The following WFDC1 variants were observed in gnomAD, a reference collection of about 807,000 sequenced individuals.
WFDC1 encodes the protein WAP four-disulfide core domain protein 1.
A neutral mutation model predicts 32.9 loss-of-function variants in WFDC1; 39 were observed. That is an observed-to-expected ratio of 1.19 (90% confidence interval 0.92 to 1.55). The LOEUF is 1.55. Ranked by LOEUF, WFDC1 falls within the 40% of genes most tolerant of loss-of-function variation. The probability of loss-of-function intolerance (pLI) is 0.00; values close to 1 mark genes in which losing one functional copy is unlikely to be tolerated. For synonymous variants in WFDC1, 184 were observed against 137.4 expected, an observed-to-expected ratio of 1.34 and a Z score of -2.37; for missense variants, 386 against 309.5, an observed-to-expected ratio of 1.25 and a Z score of -1.85.
chr16:84,326,807 T>C (rs1292771101), intron 5 of WFDC1, 75 bp from the exon 6 acceptor site: 9 of 1,581,984 alleles, frequency 5.7e-6, no homozygotes, highest in Non-Finnish European at 2.6e-6. Context: ...CATTTGGCAG[T>C]TCCTGGTGAG....
chr16:84,301,490 A>G (rs982938589), intron 1 of WFDC1, among the ~76,000 whole-genome samples: 4 of 152,082 alleles, frequency 2.6e-5, no homozygotes, highest in Non-Finnish European at 5.9e-5. Context: ...AGGTGAGCTC[A>G]CACCCTGCGG....
At chr16:84,309,832 C>T (rs1051504483) in intron 1 of WFDC1, among the ~76,000 whole-genome samples, 22 of 145,282 alleles carry the variant, frequency 1.5e-4, no homozygotes, top group African/African-American at 3.6e-4. Context: ...TGTGTGTGTG[C>T]GTGCGTGTGT....
intron 4 of WFDC1, among the ~76,000 whole-genome samples, chr16:84,323,661 G>A (rs529142965): frequency 6.6e-5 from 10 of 152,342 alleles, no homozygotes; most frequent in Non-Finnish European, 1.2e-4. Context: ...GCTCAAAGAG[G>A]ACGAGTGAGG....
intron 5 of WFDC1, chr16:84,325,593 C>G (rs779807102): frequency 1.3e-5 from 2 of 151,246 alleles, no homozygotes; most frequent in Non-Finnish European, 3.0e-5. Context: ...CATCCACCCA[C>G]CCATTCATCT....
chr16:84,305,392 C>T (rs1017457892), intron 1 of WFDC1, among the ~76,000 whole-genome samples: 2 of 152,210 alleles, frequency 1.3e-5, no homozygotes, highest in Admixed American at 6.5e-5. Flanking sequence ...TGGCTGTTTC[C>T]GCATGGCCCC....
intron 3 of WFDC1, chr16:84,319,143 C>T (rs1908143119): frequency 2.1e-6 from 1 of 466,174 alleles, no homozygotes; most frequent in East Asian, 3.7e-5. Flanking sequence ...CAGGGTGTAT[C>T]CGTGAACATG....
intron 1 of WFDC1, among the ~76,000 whole-genome samples, chr16:84,299,372 C>CA (rs1465729473): frequency 6.9e-6 from 1 of 145,842 alleles, no homozygotes; most frequent in East Asian, 2.0e-4. Flanking sequence ...TCTCAAAAAA[C>CA]AAAAAACAAA....
intron 1 of WFDC1, among the ~76,000 whole-genome samples, chr16:84,300,735 C>T (rs558966193): frequency 7.2e-5 from 11 of 152,222 alleles, no homozygotes; most frequent in East Asian, 1.9e-4. Context: ...TTTGGGAGGC[C>T]GAGGTGGGCG....
intron 2 of WFDC1, chr16:84,317,228 G>A (rs943752672): frequency 1.3e-5 from 2 of 152,086 alleles, no homozygotes; most frequent in African/African-American, 4.8e-5. Context: ...GGGAGGCAGA[G>A]GTTGCAATGA....
At chr16:84,324,324 C>T in intron 4 of WFDC1, 95 bp from the exon 5 acceptor site, 4 of 1,191,862 alleles carry the variant, frequency 3.4e-6, no homozygotes, top group South Asian at 2.6e-5. Context: ...GATGGGGAGA[C>T]TGAAAAACAC....
chr16:84,301,696 G>C (rs563124946), intron 1 of WFDC1, among the ~76,000 whole-genome samples: 1 of 152,138 alleles, frequency 6.6e-6, no homozygotes, highest in Non-Finnish European at 1.5e-5. Context: ...CTTACTGTAG[G>C]CTTGGCCACA....
chr16:84,328,550 G>C (rs537005389), intron 6 of WFDC1: 3 of 152,396 alleles, frequency 2.0e-5, no homozygotes, highest in Non-Finnish European at 4.4e-5. Flanking sequence ...CGTCCCTGGA[G>C]TAGGTCAGAT....
chr16:84,300,974 CA>C (rs35498658), intron 1 of WFDC1, among the ~76,000 whole-genome samples: 6,414 of 142,322 alleles, frequency 0.045, 408 homozygotes, highest in African/African-American at 0.15. Flanking sequence ...GACTTCATCT[CA>C]AAAAAAAAAA....
rs769715969 is a variant in WFDC1 at position 84,295,113 on chromosome 16, C to T, written c.142C>T (p.Arg48Cys). 8.1e-6 allele frequency: 13 copies of T among 1,613,552 alleles called. No individual in the cohort carries two copies. Among genetic ancestry groups the T allele is most frequent in the South Asian group, 1.1e-5 (1 of 91,000 alleles). ...ALPARLAEKSRAEEAGAPGGP... is the reference protein window; with the variant it reads ...ALPARLAEKSCAEEAGAPGGP... ...GCCTGCGAGGCTGGCCGAGAAATCC[C>T]GTGTAAGTGCCTGGGATGGGGAGGC... The change falls in exon 1 of 7, where the codon CGT becomes TGT. Residue 48 changes from arginine to cysteine, a missense_variant and splice_region_variant. Transcript: ENST00000219454.
chr16:84,311,980 A>G (rs998181351), intron 1 of WFDC1, among the ~76,000 whole-genome samples: 1 of 152,080 alleles, frequency 6.6e-6, no homozygotes, highest in African/African-American at 2.4e-5. Flanking sequence ...AGCCTGGCCA[A>G]CATGTAGAAA....
chr16:84,313,365 C>G (rs1016156087), intron 2 of WFDC1, among the ~76,000 whole-genome samples: 1 of 152,160 alleles, frequency 6.6e-6, no homozygotes, highest in Non-Finnish European at 1.5e-5. Flanking sequence ...CCCCTGGGGA[C>G]TTGCGTTGTA....
rs533586449 is a variant in WFDC1, at chr16:84,298,495, G to T, written c.144+3380G>T. 2.0e-5 allele frequency among the ~76,000 whole-genome samples: 3 copies of T among 152,248 alleles called. No individual in the cohort carries two copies. The South Asian group carries it at 6.2e-4, about 32-fold the overall frequency. On this transcript the variant is annotated intron_variant, in intron 1 of 6. Transcript: ENST00000219454. The stretch of plus-strand genomic sequence containing the variant: ...GTTTTATGTCTTTTGCATCCGTGTG[G>T]TATGACCAGGAGAGAAGCTACTCCA...
At chr16:84,322,198 C>G (rs979071709) in intron 4 of WFDC1, among the ~76,000 whole-genome samples, 3 of 88,250 alleles carry the variant, frequency 3.4e-5, no homozygotes, top group African/African-American at 1.0e-4. Flanking sequence ...TGTGAGCTTC[C>G]CCTCCCAAAT....
chr16:84,326,276 T>C (rs244784), intron 5 of WFDC1: 149,376 of 152,490 alleles, frequency 0.98, 73,246 homozygotes, highest in East Asian at 1. Flanking sequence ...CCCATCCATC[T>C]GATATGTCTT....
Sources: allele counts gnomAD v4.1 joint callset (sites outside exome capture counted in the v4.1 genomes callset), GRCh38; gene constraint gnomAD v4.1.1; transcripts MANE v1.5; gene names NCBI Gene and HGNC (gene_info 2026-07-23, HGNC 2026-07-21).